BPIFB4: variants seen among roughly 807,000 people sequenced by gnomAD.
BPIFB4 encodes the protein BPI fold containing family B member 4.
BPIFB4 carries 62 observed loss-of-function variants against 69.2 expected under a neutral mutation model. The observed-to-expected ratio is 0.90, with a 90% CI of 0.73 to 1.11. The LOEUF is 1.11. Among genes scored for constraint, BPIFB4 ranks in the 50% least tolerant of loss-of-function variants. The pLI is 0.00. For missense variants in BPIFB4, 789 were observed against 792.0 expected (o/e 1.00, Z 0.04); for synonymous variants, 330 against 332.7 (o/e 0.99, Z 0.09).
At chr20:33,093,100 G>A (rs1981655445) in intron 11 of BPIFB4, among the ~76,000 whole-genome samples, 1 of 152,004 alleles carries the variant, frequency 6.6e-6, no homozygotes, top group Admixed American at 6.5e-5. Context: ...AACTTTCAAG[G>A]CTTCAGAAAA....
intron 9 of BPIFB4, 57 bp downstream of exon 9, chr20:33,089,615 T>C (rs1981539553): frequency 6.2e-7 from 1 of 1,613,038 alleles, no homozygotes; most frequent in East Asian, 2.2e-5. Context: ...GGGCCCTTTC[T>C]GGGAGGAGGG....
intron 3 of BPIFB4, among the ~76,000 whole-genome samples, chr20:33,081,984 A>T (rs1981245549): frequency 6.6e-6 from 1 of 152,208 alleles, no homozygotes; most frequent in African/African-American, 2.4e-5. Flanking sequence ...AAATGGGTGT[A>T]ATTATAGTCT....
intron 13 of BPIFB4, 137 bp downstream of exon 13, chr20:33,097,924 C>A: frequency 1.1e-6 from 1 of 921,972 alleles, no homozygotes; most frequent in Non-Finnish European, 1.6e-6. Context: ...GGGCCAGAGG[C>A]TCTAACCCAA....
chr20:33,107,956 C>G, intron 17 of BPIFB4, 136 bp downstream of exon 17: 1 of 734,344 alleles, frequency 1.4e-6, no homozygotes, highest in Non-Finnish European at 2.4e-6. Flanking sequence ...CCTCTTCCTT[C>G]CAAGCATGGG....
At chr20:33,101,253 C>A (rs577659890) in intron 14 of BPIFB4, among the ~76,000 whole-genome samples, 1 of 152,256 alleles carries the variant, frequency 6.6e-6, no homozygotes, top group South Asian at 2.1e-4. Flanking sequence ...TTACCCAGGG[C>A]CACCCAGCAA....
chr20:33,082,895 A>T (rs771484108), intron 3 of BPIFB4, 43 bp from the exon 4 acceptor site: 3 of 1,577,850 alleles, frequency 1.9e-6, no homozygotes, highest in Non-Finnish European at 1.7e-6. Flanking sequence ...TGGAGGTGGA[A>T]AAAAGGGAGG....
chr20:33,097,628 G>A lies in BPIFB4; in HGVS notation c.1410G>A (p.Gln470=), dbSNP rs1981791527. 3 of 1,613,920 alleles carry A rather than the reference G, an allele frequency of 1.9e-6. No individual in the cohort carries two copies. The highest frequency in any genetic ancestry group is 2.5e-6 in the Non-Finnish European group (3 of 1,179,882). ...GTGCCTGCCCACAGGTGTTCCAGCA[G>A]TACCCCGAGTCCTGCCCACTTATCA... ...LGALIPKVFQ[Q]YPESCPLIIR... The change falls in exon 13 of 18, where the codon CAG becomes CAA. Residue 470 remains glutamine, a synonymous_variant. Coordinates refer to ENST00000375483, the MANE Select transcript of BPIFB4 (RefSeq NM_182519.3).
chr20:33,107,894 GC>G, intron 17 of BPIFB4, 74 bp downstream of exon 17: 1 of 1,328,952 alleles, frequency 7.5e-7, no homozygotes, highest in Non-Finnish European at 1.1e-6. Flanking sequence ...CTGCATTCAG[GC>G]CAGGAACTTG....
chr20:33,079,928 C>T (rs1981179565), intron 1 of BPIFB4, among the ~76,000 whole-genome samples: 1 of 152,202 alleles, frequency 6.6e-6, no homozygotes, highest in Non-Finnish European at 1.5e-5. Context: ...ACTCATCTTT[C>T]CCAGGGACGT....
chr20:33,095,224 G>T, intron 12 of BPIFB4, 71 bp downstream of exon 12: 1 of 1,480,366 alleles, frequency 6.8e-7, no homozygotes, highest in South Asian at 1.1e-5. Flanking sequence ...TGGATTGGAA[G>T]GGAAGATGCT....
chr20:33,086,465 G>C (rs972503315), intron 7 of BPIFB4, among the ~76,000 whole-genome samples: 1 of 152,192 alleles, frequency 6.6e-6, no homozygotes, highest in Non-Finnish European at 1.5e-5. Context: ...TGATCTGAAT[G>C]GTCAGGAGCA....
chr20:33,089,600 G>A (rs1981538650), intron 9 of BPIFB4, 42 bp downstream of exon 9: 1 of 1,613,968 alleles, frequency 6.2e-7, no homozygotes, highest in African/African-American at 1.3e-5. Flanking sequence ...AAGGCACTGA[G>A]GACCGGGCCC....
chr20:33,107,234 G>GA (rs1346983013), intron 16 of BPIFB4, among the ~76,000 whole-genome samples: 9 of 142,838 alleles, frequency 6.3e-5, no homozygotes, highest in African/African-American at 2.3e-4. Context: ...AGGAAGGAAG[G>GA]AAGGAAAGAA....
chr20:33,098,492 C>T (rs918075666), intron 13 of BPIFB4, among the ~76,000 whole-genome samples: 1 of 152,100 alleles, frequency 6.6e-6, no homozygotes, highest in African/African-American at 2.4e-5. Context: ...CACTTGAGAA[C>T]CCAGCTCTTT....
chr20:33,094,312 A>G (rs1204597831), intron 11 of BPIFB4, among the ~76,000 whole-genome samples: 1 of 152,208 alleles, frequency 6.6e-6, no homozygotes, highest in Admixed American at 6.5e-5. Flanking sequence ...GTCAAGTGGT[A>G]CTGGCTTTCC....
chr20:33,091,830 C>T (rs911147130), intron 10 of BPIFB4, among the ~76,000 whole-genome samples: 10 of 152,302 alleles, frequency 6.6e-5, no homozygotes, highest in African/African-American at 1.9e-4. Flanking sequence ...GTCATGAGCA[C>T]GGTGATCAAG....
intron 12 of BPIFB4, among the ~76,000 whole-genome samples, chr20:33,096,702 G>A (rs1981764839): frequency 6.6e-6 from 1 of 152,220 alleles, no homozygotes; most frequent in African/African-American, 2.4e-5. Flanking sequence ...TAGCAGAGCT[G>A]GGGTAGAATA....
chr20:33,104,742 G>A, intron 15 of BPIFB4, 68 bp from the exon 16 acceptor site: 1 of 1,493,538 alleles, frequency 6.7e-7, no homozygotes, highest in East Asian at 2.3e-5. Flanking sequence ...CAGGGGAGCA[G>A]ACCCAAGGGG....
intron 4 of BPIFB4, 49 bp downstream of exon 4, chr20:33,083,049 G>A: frequency 6.5e-7 from 1 of 1,532,214 alleles, no homozygotes; most frequent in Non-Finnish European, 9.0e-7. Flanking sequence ...GGTCTGCTTG[G>A]TGGAAGTGGA....
Sources: gnomAD v4.1 joint callset for allele counts (sites outside exome capture counted in the v4.1 genomes callset) on GRCh38, gnomAD v4.1.1 for gene constraint, MANE v1.5 for transcripts, NCBI Gene and HGNC (gene_info 2026-07-23, HGNC 2026-07-21) for gene names.